CDKN1C: variants seen among roughly 807,000 people sequenced by gnomAD.
CDKN1C encodes cyclin-dependent kinase inhibitor 1C.
In CDKN1C, 7 loss-of-function variants were observed where a neutral mutation model predicts 16.5. That is an observed-to-expected ratio of 0.42 (90% CI 0.24 to 0.80). CDKN1C has a LOEUF of 0.80. Ranked by LOEUF, CDKN1C falls within the 30% of genes least tolerant of loss-of-function variation. CDKN1C has a pLI of 0.26. For missense variants in CDKN1C, 429 were observed against 437.3 expected, an observed-to-expected ratio of 0.98 and a Z score of 0.17; for synonymous variants, 288 against 214.4, an observed-to-expected ratio of 1.34 and a Z score of -3.00.
At position 2,883,337 on chromosome 11, in the gene CDKN1C, A is replaced by G. The variant is rs1311849346; in HGVS notation, c.*584T>C. On this transcript the variant is annotated 3_prime_UTR_variant, in exon 4 of 4. Transcript: ENST00000440480. Reference sequence around the variant, plus strand: ...CTTCAAGTTTCAGATAAACACAGTCATAATAAGAGAGACAGCGAAAGCGCG... The same window carrying G: ...CTTCAAGTTTCAGATAAACACAGTCGTAATAAGAGAGACAGCGAAAGCGCG... 2 of 152,952 alleles carry G rather than the reference A, an allele frequency of 1.3e-5. No individual in the cohort carries two copies. Among genetic ancestry groups the G allele is most frequent in the African/African-American group, 4.8e-5 (2 of 41,462 alleles). 9.5% of individuals were successfully genotyped at this position (152,952 alleles called of 1,614,324 possible).
chr11:2,884,027 T>C lies in CDKN1C; in HGVS notation c.895A>G (p.Thr299Ala). ...GCTCACCGCAGCCTCTTGCGCGGGG[T>C]CTGCTCCACCGAGCCCACGCCAGGG... The part of the protein sequence containing the change: ...AAPGVGSVEQ[T>A]PRKRLR The change falls in exon 3 of 4, where the codon ACC becomes GCC. Residue 299 changes from threonine to alanine, a missense_variant. Physicochemically the swap from Thr to Ala is moderately conservative, Grantham distance 58. Coordinates refer to ENST00000440480, the MANE Select transcript of CDKN1C (RefSeq NM_001122630.2). 1 of 1,557,246 alleles carries C rather than the reference T, an allele frequency of 6.4e-7. No homozygotes were observed. Among genetic ancestry groups the C allele is most frequent in the Non-Finnish European group, 8.7e-7 (1 of 1,151,682 alleles).
At position 2,885,695 on chromosome 11, in the gene CDKN1C, G is replaced by A; in HGVS notation, c.-72C>T. The A allele has an allele frequency of 1.6e-6, 1 of 632,042 alleles. No homozygotes were observed. Among genetic ancestry groups the A allele is most frequent in the Non-Finnish European group, 2.7e-6 (1 of 365,134 alleles). The allele number at this position is 632,042 out of a possible 1,614,324, so 39.2% of individuals were successfully genotyped here. A position where few individuals can be genotyped will look rare whatever the true frequency, so the allele number is the denominator to read the frequency against. ...CGCCTGTCTCGTCCGGACGGCAGCC[G>A]CGCCCCCTCGATGCCTGCTGGCTAG... On this transcript the variant is annotated 5_prime_UTR_variant, in exon 1 of 4. Transcript: ENST00000440480.
At position 2,883,565 on chromosome 11, in the gene CDKN1C, A is replaced by T; in HGVS notation, c.*356T>A. The T allele has an allele frequency of 2.3e-6, 1 of 429,174 alleles. No homozygotes were observed. The highest frequency in any genetic ancestry group is 3.9e-6 in the Non-Finnish European group (1 of 253,420). The allele number at this position is 429,174 out of a possible 1,614,324, so 26.6% of individuals were successfully genotyped here. On this transcript the variant is annotated 3_prime_UTR_variant, in exon 4 of 4. Coordinates refer to ENST00000440480, the MANE Select transcript of CDKN1C (RefSeq NM_001122630.2). ...ACATAAATAGAAAATATAAGTTAGTATAACTTTAAAAACTTTTTGTACAAA... is the reference window on the plus strand; with the variant it reads ...ACATAAATAGAAAATATAAGTTAGTTTAACTTTAAAAACTTTTTGTACAAA...
In CDKN1C at chr11:2,884,881, G is replaced by T; in HGVS notation, c.576C>A (p.Ala192=). Residue 192 remains alanine (A), a synonymous_variant, in exon 2 of 4, where the codon GCC becomes GCA. Transcript: ENST00000440480. ...APVAAPAPAP[A]PAPAPAPAPA... ...GGGCGGGGGCCGGGGCCGGGGCCGGGGCCGGGGCTGGGGCCGGGGCCGCGA... is the reference window on the plus strand; with the variant it reads ...GGGCGGGGGCCGGGGCCGGGGCCGGTGCCGGGGCTGGGGCCGGGGCCGCGA... The T allele has an allele frequency of 3.3e-6, 3 of 903,988 alleles. No homozygotes were observed. The highest frequency in any genetic ancestry group is 5.0e-5 in the South Asian group (1 of 19,996). 56.0% of individuals were successfully genotyped at this position (903,988 alleles called of 1,614,324 possible).
chr11:2,884,505 GGGGC>G (rs1848905459), intron 2 of CDKN1C, 161 bp downstream of exon 2: 3 of 366,942 alleles, frequency 8.2e-6, no homozygotes. Flanking sequence ...GCACAACAAC[GGGGC>G]GGGGAGGGGG....
Position 2,884,715 on chromosome 11 carries a change from CG to C in CDKN1C, c.741del (p.Ser247ArgfsTer14). On this transcript the variant is annotated frameshift_variant, in exon 2 of 4. Transcript: ENST00000440480. LOFTEE classifies it high-confidence loss of function. ...AGCTTCTTGATCGCCGCGCCGTTGG[CG>C]CTGGCGGCCGCGGTGCCGGCCGCGG... ...GRPAAGTAAA[S>X]ANGAAIKKLS... The C allele has an allele frequency of 6.7e-7, 1 of 1,501,714 alleles. No homozygotes were observed. The highest frequency in any genetic ancestry group is 8.9e-7 in the Non-Finnish European group (1 of 1,129,568). The allele number at this position is 1,501,714 out of a possible 1,614,324, so 93.0% of individuals were successfully genotyped here.
intron 2 of CDKN1C, 101 bp downstream of exon 2, chr11:2,884,569 G>T: frequency 3.2e-6 from 2 of 627,296 alleles, no homozygotes; most frequent in South Asian, 7.0e-5. Context: ...AATGCCACGG[G>T]AGGAGGCGGG....
At position 2,884,914 on chromosome 11, in the gene CDKN1C, C is replaced by G. The variant is rs2133783693; in HGVS notation, c.543G>C (p.Pro181=). 1 of 879,796 alleles carries G rather than the reference C, an allele frequency of 1.1e-6. No homozygotes were observed. Among genetic ancestry groups the G allele is most frequent in the Non-Finnish European group, 1.4e-6 (1 of 722,962 alleles). The allele number at this position is 879,796 out of a possible 1,614,324, so 54.5% of individuals were successfully genotyped here. ...CTGGGGCCGGGGCCGCGACTGGAGC[C>G]GGGGCCGGAGCCGGAGCCGGAGCCG... ...PAPAPAPAPA[P]APVAAPAPAP... is the part of the protein sequence containing the mutation. The change falls in exon 2 of 4, where the codon CCG becomes CCC. Residue 181 remains proline, a synonymous_variant. Coordinates refer to ENST00000440480, the MANE Select transcript of CDKN1C (RefSeq NM_001122630.2).
chr11:2,883,898 G>A lies in CDKN1C; in HGVS notation c.*23C>T. ...CCGCTGCCCCGGCAGGTTCCCTCGG[G>A]GCTCTTTGGGCTCTAAACTGCGAGG... is the stretch of plus-strand genomic sequence containing the variant. On this transcript the variant is annotated 3_prime_UTR_variant, in exon 4 of 4. Transcript: ENST00000440480. 6.3e-7 allele frequency: 1 copy of A among 1,581,278 alleles called. No homozygotes were observed. The highest frequency in any genetic ancestry group is 8.6e-7 in the Non-Finnish European group (1 of 1,163,294).
intron 3 of CDKN1C, 25 bp from the exon 4 acceptor site, chr11:2,883,940 A>T: frequency 6.3e-7 from 1 of 1,581,228 alleles, no homozygotes; most frequent in Non-Finnish European, 8.6e-7. Context: ...GCGGTCAGCA[A>T]AGCCGGCGGG....
intron 1 of CDKN1C, 56 bp from the exon 2 acceptor site, chr11:2,885,522 G>A (rs1848986813): frequency 1.3e-6 from 2 of 1,538,228 alleles, no homozygotes; most frequent in Non-Finnish European, 1.7e-6. Context: ...GGCAGCGAGA[G>A]AGGAGAGGAC....
At position 2,884,796 on chromosome 11, in the gene CDKN1C, G is replaced by A. The variant is rs797045445; in HGVS notation, c.661C>T (p.Gln221Ter). ...ESAEQGANQG[Q>*]RGQEPLADQL... The stretch of plus-strand genomic sequence containing the variant: ...TCAGCGAGAGGCTCCTGGCCGCGCT[G>A]CCCCTGGTTCGCGCCCTGCTCGGCG... The change falls in exon 2 of 4, where the codon CAG becomes TAG. Residue 221 changes from glutamine to a stop codon, truncating the protein, a stop_gained. Transcript: ENST00000440480. LOFTEE classifies it high-confidence loss of function. 1 of 1,474,196 alleles carries A rather than the reference G, an allele frequency of 6.8e-7. No homozygotes were observed. Among genetic ancestry groups the A allele is most frequent in the Non-Finnish European group, 9.0e-7 (1 of 1,111,856 alleles). The allele number at this position is 1,474,196 out of a possible 1,614,324, so 91.3% of individuals were successfully genotyped here.
intron 3 of CDKN1C, 28 bp downstream of exon 3, chr11:2,883,971 C>CAA: frequency 6.5e-7 from 1 of 1,543,398 alleles, no homozygotes. Flanking sequence ...GTCGGCCCTC[C>CAA]GCGCCCCCCC....
intron 2 of CDKN1C, 134 bp downstream of exon 2, chr11:2,884,536 G>A (rs1848906959): frequency 2.3e-6 from 1 of 436,924 alleles, no homozygotes; most frequent in Non-Finnish European, 3.7e-6. Flanking sequence ...GCGCAGCCGC[G>A]CCCTGAGCGC....
rs1848914279 is a variant in CDKN1C, at chr11:2,884,663, G to A, written c.787+7C>T. On this transcript the variant is annotated splice_region_variant and intron_variant, in intron 2 of 3. Coordinates refer to ENST00000440480, the MANE Select transcript of CDKN1C (RefSeq NM_001122630.2). ...GCCGGGCCGGGGCGGGGCCGTGCGG[G>A]GCTCACCGGAGATCAGAGGCCCGGA... The A allele has an allele frequency of 7.5e-7, 1 of 1,337,128 alleles. No homozygotes were observed. The highest frequency in any genetic ancestry group is 1.8e-5 in the South Asian group (1 of 56,900). The allele number at this position is 1,337,128 out of a possible 1,614,324, so 82.8% of individuals were successfully genotyped here. A position where few individuals can be genotyped will look rare whatever the true frequency, so the allele number is the denominator to read the frequency against.
chr11:2,885,537 A>C, intron 1 of CDKN1C, 71 bp from the exon 2 acceptor site: 1 of 1,535,230 alleles, frequency 6.5e-7, no homozygotes, highest in Non-Finnish European at 8.7e-7. Flanking sequence ...GAGGACAGCG[A>C]GAAGAAGGGG....
intron 1 of CDKN1C, 64 bp from the exon 2 acceptor site, chr11:2,885,530 G>A (rs1306529924): frequency 5.9e-6 from 9 of 1,536,704 alleles, no homozygotes; most frequent in South Asian, 2.4e-5. Context: ...GAGAGGAGAG[G>A]ACAGCGAGAA....
intron 2 of CDKN1C, 116 bp from the exon 3 acceptor site, chr11:2,884,250 G>T: frequency 1.6e-6 from 1 of 617,724 alleles, no homozygotes; most frequent in Non-Finnish European, 2.1e-6. Context: ...GTCCCCGCCC[G>T]CGCCGAGGTC....
rs1204476487 is a variant in CDKN1C at position 2,883,913 on chromosome 11, A to C, written c.*8T>G. ...GTTCCCTCGGGGCTCTTTGGGCTCT[A>C]AACTGCGAGGAGAGGGGCGGTCAGC... On this transcript the variant is annotated splice_region_variant and 3_prime_UTR_variant, in exon 4 of 4. Transcript: ENST00000440480. 1 of 1,589,436 alleles carries C rather than the reference A, an allele frequency of 6.3e-7. No individual in the cohort carries two copies. Among genetic ancestry groups the C allele is most frequent in the Non-Finnish European group, 8.6e-7 (1 of 1,168,558 alleles).
Sources: allele counts gnomAD v4.1 joint callset, GRCh38; gene constraint gnomAD v4.1.1; transcripts MANE v1.5; gene names NCBI Gene and HGNC (gene_info 2026-07-23, HGNC 2026-07-21).